CCBE1: variants seen among roughly 807,000 people sequenced by gnomAD.
The protein encoded by CCBE1 is collagen and calcium-binding EGF domain-containing protein 1.
A neutral mutation model predicts 50.0 loss-of-function variants in CCBE1; 37 were observed. The observed-to-expected ratio is 0.74, with a 90% CI of 0.57 to 0.97. The LOEUF (loss-of-function observed/expected upper bound fraction) is 0.97. CCBE1 is among the 50% of genes least tolerant of loss of function. CCBE1 has a pLI of 0.00. For missense variants in CCBE1, 538 were observed against 523.8 expected (o/e 1.03, Z -0.26); for synonymous variants, 234 against 203.7 (o/e 1.15, Z -1.27).
chr18:59,696,704 A>G lies in CCBE1; in HGVS notation c.137T>C (p.Ile46Thr). 6.2e-7 allele frequency: 1 copy of G among 1,613,926 alleles called. No homozygotes were observed. The highest frequency in any genetic ancestry group is 8.5e-7 in the Non-Finnish European group (1 of 1,179,878). The change falls in exon 2 of 11, where the codon ATC becomes ACC. Residue 46 changes from isoleucine to threonine, a missense_variant. Physicochemically the swap from Ile to Thr is moderately conservative, Grantham distance 89 (BLOSUM62 -1). Transcript: ENST00000439986. ...CGTCGCGATTTTGCTCTCTGAGCAG[A>G]TTTCTCTATGAAAAAGTGCAGAGGA... The part of the protein sequence containing the change: ...REEPEDGDRE[I>T]CSESKIATTK...
chr18:59,576,689 C>T (rs576930840), intron 2 of CCBE1, among the ~76,000 whole-genome samples: 6 of 152,238 alleles, frequency 3.9e-5, no homozygotes, highest in South Asian at 2.1e-4. Context: ...AGCCATGCCC[C>T]GTCTACTTGC....
rs1010427163 is a variant in CCBE1 at position 59,611,516 on chromosome 18, G to A, written c.212+85113C>T. On this transcript the variant is annotated intron_variant, in intron 2 of 10. Transcript: ENST00000439986. ...CCATAGCACTTTGGGAGGCCAAGGT[G>A]GGTGGATCATTTGAGGTCAGAAGTT... Among the ~76,000 whole-genome samples, 4 of 152,160 alleles carry A rather than the reference G, an allele frequency of 2.6e-5. No homozygotes were observed. In the East Asian group the frequency reaches 7.7e-4, roughly 29 times the overall value.
intron 2 of CCBE1, among the ~76,000 whole-genome samples, chr18:59,514,645 G>GAAA (rs11438608): frequency 0.018 from 1,734 of 95,990 alleles, 49 homozygotes; most frequent in African/African-American, 0.058. Flanking sequence ...TCCTTTCCTT[G>GAAA]AAAAAAAAAA....
chr18:59,516,189 C>A (rs1210409788), intron 2 of CCBE1, among the ~76,000 whole-genome samples: 5 of 151,326 alleles, frequency 3.3e-5, no homozygotes, highest in Non-Finnish European at 5.9e-5. Context: ...AAACTCCTGA[C>A]CTCAAGTGAT....
chr18:59,637,414 G>A (rs2053929104), intron 2 of CCBE1, among the ~76,000 whole-genome samples: 1 of 152,010 alleles, frequency 6.6e-6, no homozygotes, highest in Non-Finnish European at 1.5e-5. Context: ...CAATTACAAA[G>A]AGGTGTGTTA....
intron 2 of CCBE1, among the ~76,000 whole-genome samples, chr18:59,654,219 A>G (rs1599104843): frequency 6.6e-6 from 1 of 152,314 alleles, no homozygotes; most frequent in East Asian, 1.9e-4. Flanking sequence ...CCTGGTATAA[A>G]GTAATGTATG....
chr18:59,456,727 C>T (rs191337521), intron 5 of CCBE1, among the ~76,000 whole-genome samples: 177 of 152,342 alleles, frequency 1.2e-3, no homozygotes, highest in Non-Finnish European at 1.8e-3. Flanking sequence ...GGGCAGCCCA[C>T]ATGCAGGCAA....
At chr18:59,542,438 G>A (rs1016012582) in intron 2 of CCBE1, among the ~76,000 whole-genome samples, 1 of 152,096 alleles carries the variant, frequency 6.6e-6, no homozygotes, top group Non-Finnish European at 1.5e-5. Flanking sequence ...CATCAAGGAT[G>A]AGAAATTATA....
chr18:59,484,761 C>A (rs568579367), intron 2 of CCBE1, among the ~76,000 whole-genome samples: 2 of 152,142 alleles, frequency 1.3e-5, no homozygotes, highest in Non-Finnish European at 2.9e-5. Flanking sequence ...TTGTGAGATT[C>A]CAGTGCGCCC....
chr18:59,635,626 T>A (rs1236722591), intron 2 of CCBE1, among the ~76,000 whole-genome samples: 1 of 151,978 alleles, frequency 6.6e-6, no homozygotes, highest in East Asian at 1.9e-4. Context: ...GAGAAGAAGA[T>A]ATTTGTGAAC....
At chr18:59,587,258 A>C (rs927930980) in intron 2 of CCBE1, among the ~76,000 whole-genome samples, 2 of 152,220 alleles carry the variant, frequency 1.3e-5, no homozygotes, top group African/African-American at 4.8e-5. Context: ...TCCTAAACAA[A>C]ATGTTAACAC....
intron 2 of CCBE1, among the ~76,000 whole-genome samples, chr18:59,693,864 C>CTTTTTTTTTTTTTTTTTTTTTTTT (rs11410421): frequency 1.4e-5 from 1 of 70,770 alleles, no homozygotes; most frequent in African/African-American, 6.2e-5. Context: ...AAAGGAAAGC[C>CTTTTTTTTTTTTTTTTTTTTTTTT]TTTTTTTTTT....
intron 2 of CCBE1, among the ~76,000 whole-genome samples, chr18:59,692,889 C>CA (rs56214536): frequency 0.85 from 127,252 of 150,534 alleles, 54,339 homozygotes; most frequent in Admixed American, 0.92. Flanking sequence ...ACCCCAAAGC[C>CA]AAAATCACAG....
intron 2 of CCBE1, among the ~76,000 whole-genome samples, chr18:59,542,406 G>A (rs1002817476): frequency 6.6e-6 from 1 of 152,114 alleles, no homozygotes; most frequent in African/African-American, 2.4e-5. Flanking sequence ...GCAGAATTCT[G>A]TTTCTCAAAG....
At chr18:59,492,001 C>T (rs1464734553) in intron 2 of CCBE1, among the ~76,000 whole-genome samples, 1 of 147,482 alleles carries the variant, frequency 6.8e-6, no homozygotes, top group Non-Finnish European at 1.5e-5. Flanking sequence ...AAAATTTAGC[C>T]AGGTATGGTG....
At chr18:59,565,091 C>T (rs2052800830) in intron 2 of CCBE1, among the ~76,000 whole-genome samples, 1 of 152,176 alleles carries the variant, frequency 6.6e-6, no homozygotes, top group Non-Finnish European at 1.5e-5. Flanking sequence ...GGAGAACAGA[C>T]AGTGAGGTAG....
At chr18:59,524,896 T>C (rs1467024680) in intron 2 of CCBE1, among the ~76,000 whole-genome samples, 1 of 152,206 alleles carries the variant, frequency 6.6e-6, no homozygotes, top group Non-Finnish European at 1.5e-5. Context: ...GGCTTCCAGC[T>C]CCATCCATGT....
chr18:59,512,452 C>A (rs1914172421), intron 2 of CCBE1, among the ~76,000 whole-genome samples: 1 of 152,242 alleles, frequency 6.6e-6, no homozygotes, highest in African/African-American at 2.4e-5. Context: ...CTGCTGCATG[C>A]CCTGCAAGGG....
At chr18:59,664,961 T>C (rs2054333478) in intron 2 of CCBE1, among the ~76,000 whole-genome samples, 1 of 152,196 alleles carries the variant, frequency 6.6e-6, no homozygotes, top group Non-Finnish European at 1.5e-5. Flanking sequence ...GGATCCATTC[T>C]TCACTGCCCT....
Sources: allele counts gnomAD v4.1 joint callset (sites outside exome capture counted in the v4.1 genomes callset), GRCh38; gene constraint gnomAD v4.1.1; transcripts MANE v1.5; gene names NCBI Gene and HGNC (gene_info 2026-07-23, HGNC 2026-07-21).